AXL: variants seen among roughly 807,000 people sequenced by gnomAD.
AXL encodes AXL receptor tyrosine kinase.
In AXL, 52 loss-of-function variants were observed where a neutral mutation model predicts 104.5. The observed-to-expected ratio is 0.50, with a 90% CI of 0.40 to 0.63. The LOEUF is 0.63. Ranked by LOEUF, AXL falls within the 20% of genes least tolerant of loss-of-function variation. The pLI is 0.00. For synonymous variants in AXL, 455 were observed against 473.7 expected, an observed-to-expected ratio of 0.96 and a Z score of 0.51; for missense variants, 1,024 against 1,188.5, an observed-to-expected ratio of 0.86 and a Z score of 2.04.
rs56711584 is a variant in AXL, at chr19:41,231,949, CA to C, written c.783+659del. 6.2e-3 allele frequency among the ~76,000 whole-genome samples: 911 copies of C among 146,516 alleles called. 5 individuals carry two copies. The highest frequency in any genetic ancestry group is 0.022 in the African/African-American group (847 of 38,478). ...CTCAAAAAAAAAAAAGAAACAACAA[CA>C]AAAAAAATTTAACAAAATGAAAATG... On this transcript the variant is annotated intron_variant, in intron 6 of 19. Transcript: ENST00000301178.
At chr19:41,237,178 A>T (rs530623579) in intron 6 of AXL, among the ~76,000 whole-genome samples, 1 of 152,104 alleles carries the variant, frequency 6.6e-6, no homozygotes, top group Non-Finnish European at 1.5e-5. Flanking sequence ...CTTCTAGAAC[A>T]TTGCTTTTGC....
At chr19:41,247,707 C>T (rs1188465412) in intron 12 of AXL, among the ~76,000 whole-genome samples, 3 of 151,914 alleles carry the variant, frequency 2.0e-5, no homozygotes, top group Non-Finnish European at 4.4e-5. Flanking sequence ...CCTCAGCCTC[C>T]TGAGTAGCTG....
chr19:41,233,385 T>C (rs948147988), intron 6 of AXL, among the ~76,000 whole-genome samples: 1 of 151,194 alleles, frequency 6.6e-6, no homozygotes, highest in Non-Finnish European at 1.5e-5. Flanking sequence ...GTTTTAAACC[T>C]AGAAAATAGT....
rs976334285 is a variant in AXL, at chr19:41,238,050, G to A, written c.890G>A (p.Gly297Asp). Residue 297 changes from glycine to aspartate, a missense_variant, in exon 7 of 20, where the codon GGC becomes GAC. By Grantham distance (94) the Gly-to-Asp change is moderately conservative. Coordinates refer to ENST00000301178, the MANE Select transcript of AXL (RefSeq NM_021913.5). ...GTGCCCCCCCATCAGCTTCGGCTAG[G>A]CAGCCTCCATCCTCACACCCCTTAT... ...ASVPPHQLRL[G>D]SLHPHTPYHI... 1 of 1,613,838 alleles carries A rather than the reference G, an allele frequency of 6.2e-7. No individual in the cohort carries two copies. The highest frequency in any genetic ancestry group is 1.7e-5 in the Admixed American group (1 of 59,956).
chr19:41,255,201 T>C (rs1265837608), intron 17 of AXL, among the ~76,000 whole-genome samples: 1 of 152,218 alleles, frequency 6.6e-6, no homozygotes, highest in African/African-American at 2.4e-5. Flanking sequence ...CATGATGTTT[T>C]TGAGATGGAT....
At position 41,221,425 on chromosome 19, in the gene AXL, A is replaced by G. The variant is rs2033789189; in HGVS notation, c.409+179A>G. On this transcript the variant is annotated intron_variant, in intron 3 of 19. Coordinates refer to ENST00000301178, the MANE Select transcript of AXL (RefSeq NM_021913.5). ...GGTGGTCAAGAAGCTGGGAGTCCATATAAGTTATGGTGCCAAGGCTGGGGG... is the reference window on the plus strand; with the variant it reads ...GGTGGTCAAGAAGCTGGGAGTCCATGTAAGTTATGGTGCCAAGGCTGGGGG... 1.0e-5 allele frequency: 6 copies of G among 584,394 alleles called. No homozygotes were observed. The East Asian group carries it at 1.8e-4, about 18-fold the overall frequency. The allele number at this position is 584,394 out of a possible 1,614,324, so 36.2% of individuals were successfully genotyped here.
intron 18 of AXL, among the ~76,000 whole-genome samples, chr19:41,256,962 T>C (rs183895803): frequency 1.5e-4 from 23 of 152,382 alleles, no homozygotes; most frequent in Admixed American, 3.9e-4. Flanking sequence ...AGTGTGTATA[T>C]GTGTGTGATG....
At position 41,256,491 on chromosome 19, in the gene AXL, G is replaced by A. The variant is rs2122289476; in HGVS notation, c.2076G>A (p.Gly692=). The A allele has an allele frequency of 1.2e-6, 2 of 1,614,116 alleles. No homozygotes were observed. The highest frequency in any genetic ancestry group is 1.7e-6 in the Non-Finnish European group (2 of 1,179,988). Residue 692 remains glycine (G), a synonymous_variant, in exon 18 of 20, where the codon GGG becomes GGA. Coordinates refer to ENST00000301178, the MANE Select transcript of AXL (RefSeq NM_021913.5). ...TGTCCGTGTGTGTGGCGGACTTCGG[G>A]CTCTCCAAGAAGATCTACAATGGGG... ...ENMSVCVADF[G]LSKKIYNGDY... is the part of the protein sequence containing the mutation.
In AXL at chr19:41,259,638, C is replaced by G. The variant is rs958697219; in HGVS notation, c.2419C>G (p.Leu807Val). Reference protein sequence around the residue: ...TELREDLENTLKALPPAQEPD... With the variant: ...TELREDLENTVKALPPAQEPD... ...GCTGCGGGAAGATTTGGAGAACACA[C>G]TGAAGGCCTTGCCTCCTGCCCAGGA... Residue 807 changes from leucine to valine, a missense_variant, in exon 20 of 20, where the codon CTG (leucine) becomes GTG (valine). Physicochemically the swap from Leu to Val is conservative, Grantham distance 32. Transcript: ENST00000301178. 2 of 1,614,112 alleles carry G rather than the reference C, an allele frequency of 1.2e-6. No individual in the cohort carries two copies. The highest frequency in any genetic ancestry group is 1.7e-6 in the Non-Finnish European group (2 of 1,180,018).
Position 41,253,729 on chromosome 19 carries a change from C to T in AXL, c.2036+21C>T, listed in dbSNP as rs2304233. 228 of 804,646 alleles carry T rather than the reference C, an allele frequency of 2.8e-4. 1 individual carries two copies. Among genetic ancestry groups the T allele is most frequent in the Middle Eastern group, 6.9e-4 (2 of 2,906 alleles). 49.8% of individuals were successfully genotyped at this position (804,646 alleles called of 1,614,324 possible). ...TGCATGTGAGTGCCTTTCAGGGACC[C>T]CCCCCCCCCAACTGCTCCTGCACTC... On this transcript the variant is annotated intron_variant, in intron 17 of 19. Transcript: ENST00000301178.
At chr19:41,243,108 T>A in intron 11 of AXL, 93 bp downstream of exon 11, 1 of 1,564,356 alleles carries the variant, frequency 6.4e-7, no homozygotes, top group Non-Finnish European at 8.7e-7. Flanking sequence ...GGAGGAGTGA[T>A]GACTAAGAAT....
intron 4 of AXL, chr19:41,226,876 T>C: frequency 5.8e-6 from 5 of 864,802 alleles, no homozygotes; most frequent in Non-Finnish European, 5.6e-6. Context: ...GGAGGATCGC[T>C]TGGGGCCAGA....
intron 7 of AXL, 149 bp from the exon 8 acceptor site, chr19:41,238,321 C>T: frequency 6.9e-7 from 1 of 1,453,008 alleles, no homozygotes. Context: ...TCTCTCCCAG[C>T]CCTTCTCTCC....
intron 3 of AXL, 171 bp downstream of exon 3, chr19:41,221,417 G>T (rs1025661397): frequency 8.4e-6 from 5 of 597,252 alleles, no homozygotes; most frequent in Non-Finnish European, 1.4e-5. Flanking sequence ...AAGAAGCTGG[G>T]AGTCCATATA....
intron 6 of AXL, among the ~76,000 whole-genome samples, chr19:41,236,063 G>A (rs2034073490): frequency 6.6e-6 from 1 of 151,996 alleles, no homozygotes; most frequent in Admixed American, 6.6e-5. Context: ...GGGTGTGGTA[G>A]CTCACACCTG....
At chr19:41,222,114 G>A in intron 4 of AXL, 58 bp downstream of exon 4, 2 of 1,438,396 alleles carry the variant, frequency 1.4e-6, no homozygotes, top group Non-Finnish European at 1.8e-6. Context: ...CTGAAGTCAG[G>A]AGCAAGGGAA....
Position 41,252,852 on chromosome 19 carries a change from G to C in AXL, c.1811G>C (p.Cys604Ser). 6.2e-7 allele frequency: 1 copy of C among 1,613,998 alleles called. No individual in the cohort carries two copies. Among genetic ancestry groups the C allele is most frequent in the Non-Finnish European group, 8.5e-7 (1 of 1,180,026 alleles). Residue 604 changes from cysteine to serine, a missense_variant, in exon 16 of 20, where the codon TGT becomes TCT. By Grantham distance (112) the Cys-to-Ser change is moderately radical (BLOSUM62 -1). Transcript: ENST00000301178. ...HPNVMRLIGV[C>S]FQGSERESFP... ...GGCTACCTGGGGGGCTCAGGTGTCT[G>C]TTTCCAGGGTTCTGAACGAGAGAGC...
In AXL at chr19:41,238,086, T is replaced by C. The variant is rs1191848754; in HGVS notation, c.926T>C (p.Val309Ala). The change falls in exon 7 of 20, where the codon GTG becomes GCG. Residue 309 changes from valine to alanine, a missense_variant. Physicochemically the swap from Val to Ala is moderately conservative, Grantham distance 64 (BLOSUM62 0). This residue lies in a region of AXL where 332 missense variants were observed against 343.9 expected (regional missense o/e 0.97). Coordinates refer to ENST00000301178, the MANE Select transcript of AXL (RefSeq NM_021913.5). ...CCTCACACCCCTTATCACATCCGCG[T>C]GGCATGCACCAGCAGCCAGGGCCCC... ...LHPHTPYHIR[V>A]ACTSSQGPSS... 2 of 1,613,902 alleles carry C rather than the reference T, an allele frequency of 1.2e-6. No individual in the cohort carries two copies. Among genetic ancestry groups the C allele is most frequent in the South Asian group, 2.2e-5 (2 of 91,074 alleles).
At position 41,259,870 on chromosome 19, in the gene AXL, C is replaced by T. The variant is rs2034510504; in HGVS notation, c.2651C>T (p.Ser884Phe). 10 of 1,598,252 alleles carry T rather than the reference C, an allele frequency of 6.3e-6. No individual in the cohort carries two copies. The highest frequency in any genetic ancestry group is 8.5e-6 in the Non-Finnish European group (10 of 1,170,404). ...PSPAQPADRG[S>F]PAAPGQEDGA The stretch of plus-strand genomic sequence containing the variant: ...CCCGCTCAGCCTGCTGATAGGGGCT[C>T]CCCAGCAGCCCCAGGGCAGGAGGAT... The change falls in exon 20 of 20, where the codon TCC becomes TTC. Residue 884 changes from serine to phenylalanine, a missense_variant. This residue lies in a region of AXL where 523 missense variants were observed against 636.0 expected (regional missense o/e 0.82). Transcript: ENST00000301178.
Sources: gnomAD v4.1 joint callset for allele counts (sites outside exome capture counted in the v4.1 genomes callset) on GRCh38, gnomAD v4.1.1 for gene constraint, gnomAD v4.1.1 regional missense constraint, MANE v1.5 for transcripts, NCBI Gene and HGNC (gene_info 2026-07-23, HGNC 2026-07-21) for gene names.